Variants in TFF2 observed in about 807,000 individuals in gnomAD.
TFF2 encodes the protein trefoil factor 2.
In TFF2, 19 loss-of-function variants were observed where a neutral mutation model predicts 16.0. The observed-to-expected ratio is 1.19, with a 90% CI of 0.83 to 1.74. The LOEUF (loss-of-function observed/expected upper bound fraction) is 1.74, where lower values mean the gene tolerates loss of function less well. Ranked by LOEUF, TFF2 falls within the 40% of genes most tolerant of loss-of-function variation. TFF2 has a pLI of 0.00. For synonymous variants in TFF2, 61 were observed against 65.4 expected (o/e 0.93, Z 0.32); for missense variants, 168 against 166.8 (o/e 1.01, Z -0.04).
At chr21:42,350,076 C>T in intron 1 of TFF2, 46 bp from the exon 2 acceptor site, 1 of 1,560,272 alleles carries the variant, frequency 6.4e-7, no homozygotes, top group Non-Finnish European at 8.7e-7. Context: ...CCCCAGACCA[C>T]ACTGCTCCTT....
chr21:42,349,340 A>G (rs2052094956), intron 2 of TFF2, among the ~76,000 whole-genome samples: 1 of 150,692 alleles, frequency 6.6e-6, no homozygotes, highest in Non-Finnish European at 1.5e-5. Flanking sequence ...AACCTGGGCT[A>G]GCCCTAGACT....
chr21:42,346,962 T>C (rs578218612), intron 3 of TFF2, among the ~76,000 whole-genome samples: 3 of 152,282 alleles, frequency 2.0e-5, no homozygotes, highest in African/African-American at 7.2e-5. Flanking sequence ...GAACACACTA[T>C]CACTAAGCGG....
At position 42,350,390 on chromosome 21, in the gene TFF2, G is replaced by A. The variant is rs114831117; in HGVS notation, c.80-360C>T. 663 of 193,256 alleles carry A rather than the reference G, an allele frequency of 3.4e-3. 4 individuals are homozygous for A. The highest frequency in any genetic ancestry group is 0.015 in the African/African-American group (626 of 42,596). 12.0% of individuals were successfully genotyped at this position (193,256 alleles called of 1,614,324 possible). On this transcript the variant is annotated intron_variant, in intron 1 of 3. Coordinates refer to ENST00000291526, the MANE Select transcript of TFF2 (RefSeq NM_005423.5). Reference sequence around the variant, plus strand: ...AACAATACAAAAAAAAAAATTGGCCGGGCATGATGGTCCACAACTGTGGTT... The same window carrying A: ...AACAATACAAAAAAAAAAATTGGCCAGGCATGATGGTCCACAACTGTGGTT...
In TFF2 at chr21:42,350,896, G is replaced by T. The variant is rs139956370; in HGVS notation, c.62C>A (p.Ala21Glu). 4 of 1,613,070 alleles carry T rather than the reference G, an allele frequency of 2.5e-6. No individual in the cohort carries two copies. The highest frequency in any genetic ancestry group is 2.2e-5 in the East Asian group (1 of 44,776). Reference protein sequence around the residue: ...ALLVLGLCALAGSEKPSPCQC... With the variant: ...ALLVLGLCALEGSEKPSPCQC... ...TCACTTACAGGGTTTCTCACTCCCC[G>T]CCAGGGCACATAGCCCCAGGACGAG... is the stretch of plus-strand genomic sequence containing the variant. The change falls in exon 1 of 4, where the codon GCG becomes GAG. Residue 21 changes from alanine to glutamate, a missense_variant. Physicochemically the swap from Ala to Glu is moderately radical, Grantham distance 107. Transcript: ENST00000291526.
chr21:42,347,682 C>G, intron 2 of TFF2, 50 bp from the exon 3 acceptor site: 1 of 1,597,256 alleles, frequency 6.3e-7, no homozygotes. Flanking sequence ...CTGCTGTGCC[C>G]TGGAAAGCTC....
At chr21:42,349,434 A>ACCTGGGCTACTAGCCCCAGACTAACCAC in intron 2 of TFF2, among the ~76,000 whole-genome samples, 1 of 141,236 alleles carries the variant, frequency 7.1e-6, no homozygotes, top group South Asian at 2.3e-4. Flanking sequence ...AGACTAACCA[A>ACCTGGGCTACTAGCCCCAGACTAACCAC]CCTGGGCTAG....
intron 1 of TFF2, chr21:42,350,434 G>A (rs1468919872): frequency 2.7e-5 from 5 of 183,122 alleles, no homozygotes; most frequent in Non-Finnish European, 3.4e-5. Context: ...TCAGGCGGCT[G>A]AGGTGGGAGG....
intron 3 of TFF2, 123 bp downstream of exon 3, chr21:42,347,363 G>T: frequency 7.7e-7 from 1 of 1,301,712 alleles, no homozygotes; most frequent in Non-Finnish European, 1.1e-6. Context: ...ATAGGAGGCA[G>T]GGGCCCTGGC....
Position 42,347,624 on chromosome 21 carries a change from G to T in TFF2, c.238C>A (p.Gln80Lys), listed in dbSNP as rs541036132. The T allele has an allele frequency of 1.9e-6, 3 of 1,614,090 alleles. No individual in the cohort carries two copies. Among genetic ancestry groups the T allele is most frequent in the African/African-American group, 1.3e-5 (1 of 75,048 alleles). The change falls in exon 3 of 4, where the codon CAG (glutamine) becomes AAG (lysine). Residue 80 changes from glutamine to lysine, a missense_variant. Transcript: ENST00000291526. ...FHPLPKQESD[Q>K]CVMEVSDRRN... is the part of the protein sequence containing the mutation. ...CGGTCTGAGACCTCCATGACGCACT[G>T]ATCCGACTCTGCCATGGGACAGGCA... is the stretch of plus-strand genomic sequence containing the variant.
At chr21:42,350,661 C>T (rs751143) in intron 1 of TFF2, among the ~76,000 whole-genome samples, 25,189 of 152,162 alleles carry the variant, frequency 0.17, 2,220 homozygotes, top group Middle Eastern at 0.31. Context: ...TGGCCCGACA[C>T]GGGGCCCGCT....
intron 1 of TFF2, 122 bp from the exon 2 acceptor site, chr21:42,350,152 C>T: frequency 1.4e-6 from 2 of 1,390,360 alleles, no homozygotes; most frequent in Non-Finnish European, 1.9e-6. Flanking sequence ...AAAGTCTTAT[C>T]TTGCCCATAT....
intron 3 of TFF2, 115 bp from the exon 4 acceptor site, chr21:42,346,661 G>T: frequency 8.3e-7 from 1 of 1,200,706 alleles, no homozygotes; most frequent in South Asian, 1.6e-5. Context: ...ACTGAAGAAG[G>T]AGCTCCTTTC....
At chr21:42,348,003 G>A (rs1190944323) in intron 2 of TFF2, among the ~76,000 whole-genome samples, 1 of 152,214 alleles carries the variant, frequency 6.6e-6, no homozygotes, top group African/African-American at 2.4e-5. Context: ...GCCAAGATGA[G>A]AAAAGGTTTG....
At chr21:42,347,259 TCA>T (rs1363598194) in intron 3 of TFF2, among the ~76,000 whole-genome samples, 1 of 152,244 alleles carries the variant, frequency 6.6e-6, no homozygotes, top group Non-Finnish European at 1.5e-5. Context: ...TCTAGAGCCA[TCA>T]CAGATGACGC....
intron 1 of TFF2, among the ~76,000 whole-genome samples, chr21:42,350,661 C>G (rs751143): frequency 2.0e-5 from 3 of 152,074 alleles, no homozygotes; most frequent in Non-Finnish European, 4.4e-5. Context: ...TGGCCCGACA[C>G]GGGGCCCGCT....
intron 3 of TFF2, among the ~76,000 whole-genome samples, chr21:42,347,002 C>G (rs1160048581): frequency 1.3e-5 from 2 of 152,180 alleles, no homozygotes; most frequent in African/African-American, 4.8e-5. Context: ...TCACCTCTGC[C>G]GGCGGGACCC....
Position 42,347,627 on chromosome 21 carries a change from C to A in TFF2, c.235G>T (p.Asp79Tyr). The A allele has an allele frequency of 6.2e-7, 1 of 1,614,070 alleles. No homozygotes were observed. Among genetic ancestry groups the A allele is most frequent in the Non-Finnish European group, 8.5e-7 (1 of 1,180,000 alleles). The change falls in exon 3 of 4, where the codon GAT becomes TAT. Residue 79 changes from aspartate (D) to tyrosine (Y), a missense_variant. Coordinates refer to ENST00000291526, the MANE Select transcript of TFF2 (RefSeq NM_005423.5). ...CFHPLPKQES[D>Y]QCVMEVSDRR... ...TCTGAGACCTCCATGACGCACTGAT[C>A]CGACTCTGCCATGGGACAGGCACAG...
rs2052111740 is a variant in TFF2, at chr21:42,350,867, T to A, written c.79+12A>T. 3 of 1,604,962 alleles carry A rather than the reference T, an allele frequency of 1.9e-6. No homozygotes were observed. Among genetic ancestry groups the A allele is most frequent in the Non-Finnish European group, 1.7e-6 (2 of 1,177,018 alleles). On this transcript the variant is annotated intron_variant, in intron 1 of 3. Transcript: ENST00000291526. ...AAAGAAAGCACATAAAAAGACCCTC[T>A]CCTTCACTTACAGGGTTTCTCACTC... is the stretch of plus-strand genomic sequence containing the variant.
chr21:42,350,817 CTTT>C, intron 1 of TFF2, 59 bp downstream of exon 1: 3 of 1,312,726 alleles, frequency 2.3e-6, no homozygotes, highest in East Asian at 2.6e-5. Flanking sequence ...TATGGTTGTG[CTTT>C]TTTTTTTTCT....
Sources: allele counts gnomAD v4.1 joint callset (sites outside exome capture counted in the v4.1 genomes callset), GRCh38; gene constraint gnomAD v4.1.1; transcripts MANE v1.5; gene names NCBI Gene and HGNC (gene_info 2026-07-23, HGNC 2026-07-21).